Variants in CWF19L1 observed in about 807,000 individuals in gnomAD.
CWF19L1 encodes the protein CWF19-like protein 1.
CWF19L1 carries 60 observed loss-of-function variants against 69.7 expected under a neutral mutation model. That is an observed-to-expected ratio of 0.86 (90% CI 0.70 to 1.07). The LOEUF is 1.07. Ranked by LOEUF, CWF19L1 falls within the 50% of genes least tolerant of loss-of-function variation. The pLI is 0.00. For missense variants in CWF19L1, 591 were observed against 638.9 expected (o/e 0.92, Z 0.81); for synonymous variants, 209 against 222.2 (o/e 0.94, Z 0.53).
Position 100,245,896 on chromosome 10 carries a change from C to T in CWF19L1, c.867G>A (p.Gln289=). 1 of 1,613,854 alleles carries T rather than the reference C, an allele frequency of 6.2e-7. No individual in the cohort carries two copies. The change falls in exon 9 of 14, where the codon CAG becomes CAA. Residue 289 remains glutamine, a synonymous_variant. Coordinates refer to ENST00000354105, the MANE Select transcript of CWF19L1 (RefSeq NM_018294.6). ...GCTTTTCATTTAAATCAAAGAAAAACTGACAGGCTGATTCTTCCTGGAATG... is the reference window on the plus strand; with the variant it reads ...GCTTTTCATTTAAATCAAAGAAAAATTGACAGGCTGATTCTTCCTGGAATG... ...ILAPVEESAC[Q]FFFDLNEKQG...
At chr10:100,248,671 C>G in intron 7 of CWF19L1, 1 of 898,770 alleles carries the variant, frequency 1.1e-6, no homozygotes, top group Admixed American at 1.8e-5. Context: ...TGCTGGAGAA[C>G]TAATCACCTA....
At position 100,246,776 on chromosome 10, in the gene CWF19L1, A is replaced by G. The variant is rs151165937; in HGVS notation, c.849+19T>C. On this transcript the variant is annotated intron_variant, in intron 8 of 13. Coordinates refer to ENST00000354105, the MANE Select transcript of CWF19L1 (RefSeq NM_018294.6). ...GAAAAGAACACATATAAAAATGCCA[A>G]CCCTCAATCAGAACATACCACAGGG... 17 of 1,594,562 alleles carry G rather than the reference A, an allele frequency of 1.1e-5. No homozygotes were observed. The highest frequency in any genetic ancestry group is 2.2e-5 in the East Asian group (1 of 44,524).
intron 11 of CWF19L1, 96 bp from the exon 12 acceptor site, chr10:100,237,065 G>GTTTCTCCACCCCTGTGAT: frequency 2.2e-6 from 3 of 1,395,262 alleles, no homozygotes; most frequent in Non-Finnish European, 3.0e-6. Context: ...TCACAGGGGT[G>GTTTCTCCACCCCTGTGAT]GAGAAACACC....
At chr10:100,263,954 T>A (rs1847485763) in intron 1 of CWF19L1, among the ~76,000 whole-genome samples, 1 of 152,220 alleles carries the variant, frequency 6.6e-6, no homozygotes, top group Non-Finnish European at 1.5e-5. Flanking sequence ...CAATAACCTT[T>A]TTAGGTTAAA....
At chr10:100,241,445 G>A (rs1012445908) in intron 10 of CWF19L1, among the ~76,000 whole-genome samples, 12 of 152,136 alleles carry the variant, frequency 7.9e-5, no homozygotes, top group Admixed American at 1.3e-4. Flanking sequence ...CACAAAAAAC[G>A]GTCCTCAGAT....
Position 100,248,843 on chromosome 10 carries a change from C to T in CWF19L1, c.708+1405G>A, listed in dbSNP as rs1846922267. 5 of 1,211,114 alleles carry T rather than the reference C, an allele frequency of 4.1e-6. No homozygotes were observed. In the Admixed American group the frequency reaches 8.5e-5, roughly 21 times the overall value. 75.0% of individuals were successfully genotyped at this position (1,211,114 alleles called of 1,614,324 possible). A position where few individuals can be genotyped will look rare whatever the true frequency, so the allele number is the denominator to read the frequency against. ...GTGGCTCAGCGGGAAGCAGAGAGCA[C>T]CAGATTTGTGGCAGAAAAGGCTGAG... On this transcript the variant is annotated intron_variant, in intron 7 of 13. Coordinates refer to ENST00000354105, the MANE Select transcript of CWF19L1 (RefSeq NM_018294.6).
At chr10:100,267,317 G>A (rs557748398) in intron 1 of CWF19L1, 2 of 457,632 alleles carry the variant, frequency 4.4e-6, no homozygotes, top group East Asian at 3.1e-4. Flanking sequence ...CCCCTAAGAT[G>A]GAGGAGGCCT....
At chr10:100,252,232 G>A (rs925323073) in intron 6 of CWF19L1, among the ~76,000 whole-genome samples, 2 of 152,078 alleles carry the variant, frequency 1.3e-5, no homozygotes, top group Non-Finnish European at 2.9e-5. Flanking sequence ...TCAGGAGATC[G>A]AGACCATCCT....
chr10:100,267,191 T>C (rs1847627735), intron 1 of CWF19L1, among the ~76,000 whole-genome samples: 1 of 124,518 alleles, frequency 8.0e-6, no homozygotes, highest in African/African-American at 3.0e-5. Context: ...AGGGTCCCTA[T>C]CTACTCTGTC....
chr10:100,251,922 A>G (rs1319738907), intron 6 of CWF19L1, among the ~76,000 whole-genome samples: 1 of 152,214 alleles, frequency 6.6e-6, no homozygotes, highest in Non-Finnish European at 1.5e-5. Context: ...ATATTTTTAG[A>G]GAACAAGACA....
Position 100,262,293 on chromosome 10 carries a change from G to A in CWF19L1, c.24-230C>T, listed in dbSNP as rs543854658. 6 of 985,392 alleles carry A rather than the reference G, an allele frequency of 6.1e-6. No homozygotes were observed. In the African/African-American group the frequency reaches 8.7e-5, roughly 14 times the overall value. The allele number at this position is 985,392 out of a possible 1,614,324, so 61.0% of individuals were successfully genotyped here. A position where few individuals can be genotyped will look rare whatever the true frequency, so the allele number is the denominator to read the frequency against. ...TATCATTTACTCCACAATTGAGCCA[G>A]CTTCTTCTCCTCATTCCTAAGTTTT... On this transcript the variant is annotated intron_variant, in intron 1 of 13. Transcript: ENST00000354105.
rs774395388 is a variant in CWF19L1 at position 100,256,328 on chromosome 10, A to T, written c.438T>A (p.Phe146Leu). The change falls in exon 5 of 14, where the codon TTT (phenylalanine) becomes TTA (leucine). Residue 146 changes from phenylalanine to leucine, a missense_variant. Phe to Leu is a conservative substitution (Grantham distance 22). Transcript: ENST00000354105. ...ATGTGAGCAAGATATCAACACCCTT[A>T]AACTGGGAGGTTGTACACAGCATCA... ...LRMMLCTTSQ[F>L]KGVDILLTSP... is the part of the protein sequence containing the mutation. The T allele has an allele frequency of 6.8e-6, 11 of 1,614,174 alleles. No individual in the cohort carries two copies. Among genetic ancestry groups the T allele is most frequent in the Non-Finnish European group, 9.3e-6 (11 of 1,180,018 alleles).
intron 7 of CWF19L1, among the ~76,000 whole-genome samples, chr10:100,247,344 T>C (rs1205112950): frequency 6.6e-6 from 1 of 152,220 alleles, no homozygotes; most frequent in Non-Finnish European, 1.5e-5. Context: ...TTTTTCCTAA[T>C]GAAAATTACA....
chr10:100,245,511 C>T (rs1488892985), intron 9 of CWF19L1, among the ~76,000 whole-genome samples: 2 of 152,118 alleles, frequency 1.3e-5, no homozygotes, highest in Non-Finnish European at 2.9e-5. Context: ...ATTTATGAGA[C>T]AGGAAAAGAG....
chr10:100,244,035 A>G (rs1846723600), intron 9 of CWF19L1, among the ~76,000 whole-genome samples: 2 of 152,256 alleles, frequency 1.3e-5, no homozygotes, highest in South Asian at 2.1e-4. Flanking sequence ...AAAGTAGCAC[A>G]TAACTGGCAA....
intron 1 of CWF19L1, among the ~76,000 whole-genome samples, chr10:100,267,110 G>A (rs1429847946): frequency 7.7e-6 from 1 of 130,584 alleles, no homozygotes; most frequent in Non-Finnish European, 1.5e-5. Flanking sequence ...GCTGCATGAA[G>A]CCCTCTCTTC....
Position 100,253,438 on chromosome 10 carries a change from A to AT in CWF19L1, c.605dup (p.Tyr202Ter), listed in dbSNP as rs1589625941. 2 of 1,605,998 alleles carry AT rather than the reference A, an allele frequency of 1.2e-6. No individual in the cohort carries two copies. The highest frequency in any genetic ancestry group is 8.5e-7 in the Non-Finnish European group (1 of 1,172,686). ...CTACTCACCGATATGGAAGCCTCTCATAATAGGTCTTTTCCAAAGCAGCAA... is the reference window on the plus strand; with the variant it reads ...CTACTCACCGATATGGAAGCCTCTCATTAATAGGTCTTTTCCAAAGCAGCAA... ...YHFAALEKTY[Y>*]ERLPYRNHII... The change falls in exon 6 of 14, where the codon TAT (tyrosine) becomes TAAT (stop). Residue 202 changes from tyrosine (Y) to a stop codon, truncating the protein, a stop_gained and frameshift_variant. Coordinates refer to ENST00000354105, the MANE Select transcript of CWF19L1 (RefSeq NM_018294.6). LOFTEE classifies it high-confidence loss of function.
chr10:100,267,144 T>TCC (rs1847623303), intron 1 of CWF19L1, among the ~76,000 whole-genome samples: 2 of 15,708 alleles, frequency 1.3e-4, no homozygotes, highest in Non-Finnish European at 2.4e-4. Flanking sequence ...CCCCTCCTCC[T>TCC]CGCAAAAAAA....
intron 6 of CWF19L1, among the ~76,000 whole-genome samples, chr10:100,252,731 G>C (rs1847082127): frequency 6.6e-6 from 1 of 150,952 alleles, no homozygotes; most frequent in Non-Finnish European, 1.5e-5. Context: ...AGCTACTCAG[G>C]AGGCTGAGGC....
Sources: gnomAD v4.1 joint callset for allele counts (sites outside exome capture counted in the v4.1 genomes callset) on GRCh38, gnomAD v4.1.1 for gene constraint, MANE v1.5 for transcripts, NCBI Gene and HGNC (gene_info 2026-07-23, HGNC 2026-07-21) for gene names.